Variants in SNTG1 observed in about 807,000 individuals in gnomAD.
SNTG1 encodes the protein gamma-1-syntrophin.
SNTG1 carries 39 observed loss-of-function variants against 74.7 expected under a neutral mutation model. The observed-to-expected ratio is 0.52, with a 90% CI of 0.40 to 0.68. The LOEUF is 0.68. SNTG1 is among the 30% of genes least tolerant of loss of function. SNTG1 has a pLI of 0.00. For missense variants in SNTG1, 685 were observed against 609.5 expected (o/e 1.12, Z -1.30); for synonymous variants, 254 against 217.1 (o/e 1.17, Z -1.49).
At chr8:50,350,044 G>A (rs1587259791) in intron 2 of SNTG1, among the ~76,000 whole-genome samples, 2 of 152,190 alleles carry the variant, frequency 1.3e-5, no homozygotes, top group South Asian at 2.1e-4. Context: ...CGGGCAATGA[G>A]GGGCTTAGCA....
At chr8:50,083,785 G>A (rs1167097240) in intron 1 of SNTG1, among the ~76,000 whole-genome samples, 1 of 152,100 alleles carries the variant, frequency 6.6e-6, no homozygotes, top group African/African-American at 2.4e-5. Flanking sequence ...CTAAAGTGGT[G>A]GGATTATGTT....
chr8:50,266,651 T>TGTGA (rs1315939744), intron 2 of SNTG1, among the ~76,000 whole-genome samples: 1 of 93,538 alleles, frequency 1.1e-5, no homozygotes, highest in South Asian at 5.3e-4. Flanking sequence ...GAATTATGTG[T>TGTGA]GTGTGTGTGT....
At chr8:50,557,545 T>C (rs2094463515) in intron 12 of SNTG1, among the ~76,000 whole-genome samples, 1 of 152,184 alleles carries the variant, frequency 6.6e-6, no homozygotes, top group South Asian at 2.1e-4. Flanking sequence ...TTCCAGCCTC[T>C]GGTGGCTGCC....
At chr8:50,552,674 A>C (rs765864193) in intron 11 of SNTG1, among the ~76,000 whole-genome samples, 1 of 152,196 alleles carries the variant, frequency 6.6e-6, no homozygotes, top group Non-Finnish European at 1.5e-5. Flanking sequence ...TGCATTGACA[A>C]ATGTTAAGAG....
At chr8:50,232,642 G>A (rs1165885099) in intron 2 of SNTG1, among the ~76,000 whole-genome samples, 1 of 151,278 alleles carries the variant, frequency 6.6e-6, no homozygotes, top group East Asian at 1.9e-4. Flanking sequence ...AAATAATATT[G>A]TCCCTATTTG....
intron 1 of SNTG1, among the ~76,000 whole-genome samples, chr8:50,021,874 G>A (rs964884095): frequency 6.7e-6 from 1 of 149,904 alleles, no homozygotes; most frequent in African/African-American, 2.4e-5. Flanking sequence ...CTGGGAGATT[G>A]AGGCTGCTGT....
intron 2 of SNTG1, among the ~76,000 whole-genome samples, chr8:50,302,455 A>C (rs910133237): frequency 1.5e-4 from 23 of 152,174 alleles, no homozygotes; most frequent in Middle Eastern, 3.4e-3. Flanking sequence ...CAAGACTGCC[A>C]CCTTCTGTAG....
intron 2 of SNTG1, among the ~76,000 whole-genome samples, chr8:50,379,290 C>A (rs1056592948): frequency 3.7e-4 from 56 of 152,288 alleles, no homozygotes; most frequent in African/African-American, 1.3e-3. Flanking sequence ...AGTAGCCAGG[C>A]AGCAGGAGTA....
At position 50,108,020 on chromosome 8, in the gene SNTG1, C is replaced by T. The variant is rs540062244; in HGVS notation, c.-102-64541C>T. Among the ~76,000 whole-genome samples, 3 of 152,244 alleles carry T rather than the reference C, an allele frequency of 2.0e-5. No homozygotes were observed. In the South Asian group the frequency reaches 6.2e-4, roughly 32 times the overall value. On this transcript the variant is annotated intron_variant, in intron 1 of 18. Transcript: ENST00000642720. Reference sequence around the variant, plus strand: ...TATATTTTGAATGATGAGTCAGTGTCCATTTCATTGATCACATTCTACCTG... The same window carrying T: ...TATATTTTGAATGATGAGTCAGTGTTCATTTCATTGATCACATTCTACCTG...
intron 1 of SNTG1, among the ~76,000 whole-genome samples, chr8:50,011,241 C>G (rs897055611): frequency 2.0e-5 from 3 of 151,982 alleles, no homozygotes; most frequent in African/African-American, 7.3e-5. Flanking sequence ...TAGCTTCTAA[C>G]CTTAAAGAAG....
At chr8:50,255,199 T>C (rs933581512) in intron 2 of SNTG1, among the ~76,000 whole-genome samples, 1 of 152,110 alleles carries the variant, frequency 6.6e-6, no homozygotes, top group Non-Finnish European at 1.5e-5. Flanking sequence ...CTTATCAGGG[T>C]CACTTGTAAT....
intron 2 of SNTG1, among the ~76,000 whole-genome samples, chr8:50,254,720 C>A (rs1489382762): frequency 6.6e-6 from 1 of 151,958 alleles, no homozygotes; most frequent in Non-Finnish European, 1.5e-5. Flanking sequence ...GTGATGCGTG[C>A]CTGTAGTCCC....
At chr8:50,625,523 C>A (rs1008512151) in intron 13 of SNTG1, among the ~76,000 whole-genome samples, 8 of 152,104 alleles carry the variant, frequency 5.3e-5, no homozygotes, top group African/African-American at 1.9e-4. Flanking sequence ...AACTAAAAAT[C>A]AATAAATAAG....
chr8:50,731,612 C>G (rs1260871971), intron 17 of SNTG1, among the ~76,000 whole-genome samples: 1 of 152,078 alleles, frequency 6.6e-6, no homozygotes, highest in African/African-American at 2.4e-5. Flanking sequence ...TCAACACTCT[C>G]CTGTCTGGGT....
intron 13 of SNTG1, among the ~76,000 whole-genome samples, chr8:50,600,006 CA>C (rs1221627261): frequency 1.3e-5 from 2 of 152,000 alleles, no homozygotes; most frequent in African/African-American, 4.8e-5. Flanking sequence ...ATTTTTTAAT[CA>C]TGAAGGGATA....
intron 8 of SNTG1, among the ~76,000 whole-genome samples, chr8:50,453,556 A>T (rs2093475392): frequency 6.6e-6 from 1 of 152,158 alleles, no homozygotes; most frequent in Non-Finnish European, 1.5e-5. Flanking sequence ...CCACTTACAA[A>T]CATTGTAATT....
At chr8:50,738,040 T>C (rs955818776) in intron 17 of SNTG1, among the ~76,000 whole-genome samples, 2 of 152,080 alleles carry the variant, frequency 1.3e-5, no homozygotes, top group Admixed American at 6.6e-5. Flanking sequence ...TTCAAGATAG[T>C]ATTGGAAGTT....
intron 2 of SNTG1, among the ~76,000 whole-genome samples, chr8:50,375,919 A>C (rs1281653046): frequency 6.6e-6 from 1 of 152,178 alleles, no homozygotes; most frequent in Non-Finnish European, 1.5e-5. Context: ...TAGAGAAGTG[A>C]CAAGAAAAAG....
At chr8:50,098,224 C>G (rs2079999801) in intron 1 of SNTG1, among the ~76,000 whole-genome samples, 1 of 152,022 alleles carries the variant, frequency 6.6e-6, no homozygotes, top group African/African-American at 2.4e-5. Context: ...TCTTGCTGGT[C>G]AAGAAAAGAC....
Sources: allele counts gnomAD v4.1 joint callset (sites outside exome capture counted in the v4.1 genomes callset), GRCh38; gene constraint gnomAD v4.1.1; transcripts MANE v1.5; gene names NCBI Gene and HGNC (gene_info 2026-07-23, HGNC 2026-07-21).